Variants in TENM1 observed in about 807,000 individuals in gnomAD.
The protein encoded by TENM1 is teneurin transmembrane protein 1.
TENM1 carries 35 observed loss-of-function variants against 174.8 expected under a neutral mutation model. That is an observed-to-expected ratio of 0.20 (90% CI 0.15 to 0.27). The LOEUF (loss-of-function observed/expected upper bound fraction) is 0.27, where lower values mean the gene tolerates loss of function less well. Ranked by LOEUF, TENM1 falls within the 10% of genes least tolerant of loss-of-function variation. TENM1 has a pLI of 1.00. For missense variants in TENM1, 1,633 were observed against 2,130.1 expected (o/e 0.77, Z 4.59); for synonymous variants, 781 against 798.7 (o/e 0.98, Z 0.37).
chrX:125,013,723 CA>C, the TENM1 span, among the ~76,000 whole-genome samples: 1 of 111,063 alleles, frequency 9.0e-6, no homozygotes, highest in African/African-American at 3.3e-5. Context: ...TTAATTAAAT[CA>C]GGGGGTAAAG....
At chrX:124,949,611 C>T (rs763030687) in intron 1 of TENM1, among the ~76,000 whole-genome samples, 22 of 111,584 alleles carry the variant, frequency 2.0e-4, no homozygotes, top group African/African-American at 6.5e-4. Context: ...CTAATGGAGA[C>T]TCACAGGCTG....
At chrX:124,755,556 G>GTT (rs2054210013) in intron 3 of TENM1, among the ~76,000 whole-genome samples, 2 of 109,701 alleles carry the variant, frequency 1.8e-5, no homozygotes, top group African/African-American at 6.6e-5. Flanking sequence ...GATTTTGCTC[G>GTT]TTAGTTGATG....
At chrX:124,891,230 C>T (rs7887426) in intron 3 of TENM1, among the ~76,000 whole-genome samples, 1,205 of 111,044 alleles carry the variant, frequency 0.011, 18 homozygotes, top group African/African-American at 0.038. Flanking sequence ...TAAGATCTAG[C>T]ATTTGATAGC....
chrX:125,058,987 T>TCACACACACA, the TENM1 span, among the ~76,000 whole-genome samples: 38 of 103,647 alleles, frequency 3.7e-4, no homozygotes, highest in South Asian at 0.015. Context: ...TTCATCATCA[T>TCACACACACA]CACACACACA....
chrX:124,439,974 A>G (rs2060885944), intron 23 of TENM1, among the ~76,000 whole-genome samples: 2 of 111,260 alleles, frequency 1.8e-5, no homozygotes, highest in African/African-American at 6.5e-5. Context: ...TGGTGGATCT[A>G]GGATTTAAAC....
At chrX:124,804,784 G>A (rs60356742) in intron 3 of TENM1, among the ~76,000 whole-genome samples, 4 of 111,494 alleles carry the variant, frequency 3.6e-5, no homozygotes, top group Non-Finnish European at 7.5e-5. Flanking sequence ...ATTCTATTTC[G>A]AGATATAGAC....
the TENM1 span, among the ~76,000 whole-genome samples, chrX:125,049,527 A>AGATTTT: frequency 3.6e-5 from 4 of 112,256 alleles, no homozygotes; most frequent in African/African-American, 1.3e-4. Flanking sequence ...GTGTGGACAT[A>AGATTTT]GATTTTCAAT....
chrX:125,156,885 A>T, the TENM1 span, among the ~76,000 whole-genome samples: 1 of 112,708 alleles, frequency 8.9e-6, no homozygotes, highest in South Asian at 3.6e-4. Context: ...AACTGAGTCT[A>T]AATGTTCAGC....
At chrX:124,981,447 G>C in the TENM1 span, among the ~76,000 whole-genome samples, 3 of 111,978 alleles carry the variant, frequency 2.7e-5, no homozygotes, top group Non-Finnish European at 5.6e-5. Context: ...GAGGCACTCA[G>C]ATGAAATAAC....
At chrX:124,386,765 A>G (rs1472574400) in intron 28 of TENM1, among the ~76,000 whole-genome samples, 1 of 109,597 alleles carries the variant, frequency 9.1e-6, no homozygotes, top group Non-Finnish European at 1.9e-5. Flanking sequence ...CCCAGGCTGG[A>G]GTGCAGTGGT....
intron 3 of TENM1, among the ~76,000 whole-genome samples, chrX:124,829,246 T>C (rs756249109): frequency 8.9e-6 from 1 of 112,397 alleles, no homozygotes; most frequent in Non-Finnish European, 1.9e-5. Flanking sequence ...CTAAATATGA[T>C]AACACTTTTA....
Position 124,441,906 on chromosome X carries a change from G to T in TENM1, c.4104+11431C>A, listed in dbSNP as rs770125574. ...TAAGGGCCACCAAATGACATTTTTCGTTCCATTCTACTACTCCCTGGGCCT... is the reference window on the plus strand; with the variant it reads ...TAAGGGCCACCAAATGACATTTTTCTTTCCATTCTACTACTCCCTGGGCCT... On this transcript the variant is annotated intron_variant, in intron 23 of 31. Transcript: ENST00000422452. Among the ~76,000 whole-genome samples the T allele has an allele frequency of 1.2e-4, 13 of 111,908 alleles. No homozygotes were observed. In the East Asian group the frequency reaches 1.4e-3, roughly 12 times the overall value.
chrX:124,605,244 A>T (rs1157614896), intron 11 of TENM1, among the ~76,000 whole-genome samples: 1 of 102,594 alleles, frequency 9.7e-6, no homozygotes, highest in East Asian at 3.0e-4. Context: ...TAAAGAAAAT[A>T]AAAGGAGTGA....
At chrX:124,412,004 C>A (rs1205153934) in intron 25 of TENM1, 1 of 112,489 alleles carries the variant, frequency 8.9e-6, no homozygotes, top group Admixed American at 9.4e-5. Flanking sequence ...GGGCACAGCA[C>A]TCACCTAACC....
chrX:124,920,277 G>A (rs963450535), intron 1 of TENM1, among the ~76,000 whole-genome samples: 1 of 111,301 alleles, frequency 9.0e-6, no homozygotes, highest in Admixed American at 9.6e-5. Flanking sequence ...CTGAGATAAT[G>A]TTATATGTAA....
chrX:124,443,076 G>A (rs1025139845), intron 23 of TENM1, among the ~76,000 whole-genome samples: 90 of 100,723 alleles, frequency 8.9e-4, no homozygotes, highest in African/African-American at 3.1e-3. Context: ...GTGTGTGTGT[G>A]TGTGTGTGTG....
Position 124,524,197 on chromosome X carries a change from A to G in TENM1, c.2772-572T>C, listed in dbSNP as rs1370728021. Among the ~76,000 whole-genome samples, 5 of 111,643 alleles carry G rather than the reference A, an allele frequency of 4.5e-5. No homozygotes were observed. In the East Asian group the frequency reaches 1.4e-3, roughly 32 times the overall value. ...AGCCTGTAAACCAGTTAATTTTAAC[A>G]CTATCTTAAACAAAAATCACTGCAT... On this transcript the variant is annotated intron_variant, in intron 16 of 31. Transcript: ENST00000422452.
At chrX:124,450,665 T>C (rs1240967490) in intron 23 of TENM1, among the ~76,000 whole-genome samples, 1 of 111,997 alleles carries the variant, frequency 8.9e-6, no homozygotes, top group East Asian at 2.8e-4. Flanking sequence ...GCCTCCCCAG[T>C]AGCAACCCTT....
At chrX:125,161,959 A>ATTGGCTAAGGAAGAGTGAT in the TENM1 span, among the ~76,000 whole-genome samples, 1 of 111,898 alleles carries the variant, frequency 8.9e-6, no homozygotes, top group Non-Finnish European at 1.9e-5. Context: ...TTTGCCAGTG[A>ATTGGCTAAGGAAGAGTGAT]TTGGCTAAGG....
Sources: gnomAD v4.1 joint callset for allele counts (sites outside exome capture counted in the v4.1 genomes callset) on GRCh38, gnomAD v4.1.1 for gene constraint, MANE v1.5 for transcripts, NCBI Gene and HGNC (gene_info 2026-07-23, HGNC 2026-07-21) for gene names.